The following NRXN3 variants were observed in gnomAD, a reference collection of about 807,000 sequenced individuals.
The protein encoded by NRXN3 is neurexin 3.
A neutral mutation model predicts 137.6 loss-of-function variants in NRXN3; 32 were observed. That is an observed-to-expected ratio of 0.23 (90% confidence interval 0.18 to 0.31). The LOEUF is 0.31. NRXN3 is among the 10% of genes least tolerant of loss of function. NRXN3 has a pLI of 1.00. For missense variants in NRXN3, 1,574 were observed against 2,062.5 expected, an observed-to-expected ratio of 0.76 and a Z score of 4.59; for synonymous variants, 798 against 784.5, an observed-to-expected ratio of 1.02 and a Z score of -0.29.
At chr14:79,184,937 T>C (rs1184397124) in intron 15 of NRXN3, among the ~76,000 whole-genome samples, 1 of 152,198 alleles carries the variant, frequency 6.6e-6, no homozygotes, top group Admixed American at 6.5e-5. Context: ...CTCAGGTTTT[T>C]TTGATATCAT....
intron 3 of NRXN3, among the ~76,000 whole-genome samples, chr14:78,293,251 G>A (rs2075985061): frequency 6.6e-6 from 1 of 152,088 alleles, no homozygotes; most frequent in Non-Finnish European, 1.5e-5. Flanking sequence ...CCTTTGAGGT[G>A]TCATTCACTG....
intron 2 of NRXN3, among the ~76,000 whole-genome samples, chr14:78,252,384 A>T (rs1464331644): frequency 6.6e-6 from 1 of 152,200 alleles, no homozygotes; most frequent in Non-Finnish European, 1.5e-5. Context: ...AGGGACAAGA[A>T]CTGTAGGCAA....
chr14:79,470,951 AGTGTGTGT>A (rs371413883), intron 16 of NRXN3, among the ~76,000 whole-genome samples: 13,131 of 116,154 alleles, frequency 0.11, 727 homozygotes, highest in African/African-American at 0.18. Flanking sequence ...AGAGAGAGAG[AGTGTGTGT>A]GTGTGTGTGT....
intron 15 of NRXN3, among the ~76,000 whole-genome samples, chr14:79,328,578 C>G (rs2091248216): frequency 6.6e-6 from 1 of 152,140 alleles, no homozygotes; most frequent in Admixed American, 6.6e-5. Context: ...GTTTCTCTCT[C>G]TAAACTTGTC....
intron 20 of NRXN3, among the ~76,000 whole-genome samples, chr14:79,835,438 A>G (rs558336715): frequency 1.2e-4 from 19 of 152,268 alleles, no homozygotes; most frequent in South Asian, 1.2e-3. Context: ...TTTCCTTTTA[A>G]TGATATATAA....
chr14:78,370,486 G>A (rs2086649309), intron 4 of NRXN3, among the ~76,000 whole-genome samples: 1 of 152,070 alleles, frequency 6.6e-6, no homozygotes, highest in African/African-American at 2.4e-5. Context: ...ATTTGTGATA[G>A]CACTTATATA....
At chr14:78,815,621 A>T (rs1446565081) in intron 10 of NRXN3, among the ~76,000 whole-genome samples, 2 of 151,312 alleles carry the variant, frequency 1.3e-5, no homozygotes, top group South Asian at 2.1e-4. Context: ...AGTGAGCTGC[A>T]GTTTATTATA....
intron 20 of NRXN3, among the ~76,000 whole-genome samples, chr14:79,858,915 A>G (rs2099408430): frequency 6.6e-6 from 1 of 152,010 alleles, no homozygotes; most frequent in Non-Finnish European, 1.5e-5. Flanking sequence ...AAAACTAGCA[A>G]AAGTGTGTAA....
intron 16 of NRXN3, among the ~76,000 whole-genome samples, chr14:79,616,565 C>T (rs1045637846): frequency 6.6e-6 from 1 of 152,112 alleles, no homozygotes; most frequent in African/African-American, 2.4e-5. Flanking sequence ...GAGTGCTATG[C>T]TTGTTACCTG....
At chr14:79,363,654 C>A (rs2093770226) in intron 15 of NRXN3, among the ~76,000 whole-genome samples, 1 of 151,276 alleles carries the variant, frequency 6.6e-6, no homozygotes, top group Admixed American at 6.6e-5. Context: ...ACAAATTAGT[C>A]CTTTACAATT....
intron 4 of NRXN3, among the ~76,000 whole-genome samples, chr14:78,510,125 C>T (rs571965598): frequency 1.3e-5 from 2 of 151,164 alleles, no homozygotes; most frequent in South Asian, 4.2e-4. Flanking sequence ...AGACAGAGAA[C>T]TTGGGTTTGA....
chr14:79,409,584 C>T (rs2095377148), intron 15 of NRXN3, among the ~76,000 whole-genome samples: 2 of 132,850 alleles, frequency 1.5e-5, no homozygotes, highest in Admixed American at 8.3e-5. Context: ...AATGTGTTAC[C>T]CTGTCTTAGC....
chr14:79,026,950 T>TTATATATA (rs764640398), intron 15 of NRXN3, among the ~76,000 whole-genome samples: 13 of 135,106 alleles, frequency 9.6e-5, no homozygotes, highest in African/African-American at 3.9e-4. Flanking sequence ...TATTATAATT[T>TTATATATA]TATATATATA....
intron 15 of NRXN3, among the ~76,000 whole-genome samples, chr14:79,119,800 A>T (rs2055101538): frequency 6.6e-6 from 1 of 151,812 alleles, no homozygotes; most frequent in Admixed American, 6.6e-5. Context: ...ATTTTTATTT[A>T]CTGTTTTCTA....
intron 4 of NRXN3, among the ~76,000 whole-genome samples, chr14:78,310,228 G>A (rs2077812567): frequency 6.8e-6 from 1 of 146,998 alleles, no homozygotes; most frequent in Non-Finnish European, 1.5e-5. Flanking sequence ...TATATCTAAG[G>A]TCATTCATCC....
At chr14:79,064,353 G>C (rs546598605) in intron 15 of NRXN3, among the ~76,000 whole-genome samples, 1 of 152,194 alleles carries the variant, frequency 6.6e-6, no homozygotes, top group South Asian at 2.1e-4. Flanking sequence ...AGAGGTTCAG[G>C]AAGTCATTAC....
intron 16 of NRXN3, among the ~76,000 whole-genome samples, chr14:79,501,070 A>C (rs2096821671): frequency 6.6e-6 from 1 of 152,136 alleles, no homozygotes; most frequent in Non-Finnish European, 1.5e-5. Flanking sequence ...ACTAAATCAA[A>C]AGTTCCAACA....
intron 15 of NRXN3, among the ~76,000 whole-genome samples, chr14:79,443,922 T>G (rs767543452): frequency 3.3e-5 from 5 of 151,896 alleles, no homozygotes; most frequent in Non-Finnish European, 5.9e-5. Context: ...GGCAGTGGAG[T>G]GTTTTATGTA....
intron 1 of NRXN3, among the ~76,000 whole-genome samples, chr14:78,181,464 G>C (rs946019602): frequency 6.6e-6 from 1 of 152,180 alleles, no homozygotes. Context: ...TGCTCTGTGA[G>C]GTTTGGTCTC....
Sources: allele counts gnomAD v4.1 joint callset (sites outside exome capture counted in the v4.1 genomes callset), GRCh38; gene constraint gnomAD v4.1.1; transcripts MANE v1.5; gene names NCBI Gene and HGNC (gene_info 2026-07-23, HGNC 2026-07-21).